Variants in SNRNP40 observed in about 807,000 individuals in gnomAD.
The protein encoded by SNRNP40 is U5 small nuclear ribonucleoprotein 40 kDa protein.
SNRNP40 carries 21 observed loss-of-function variants against 45.8 expected under a neutral mutation model. That is an observed-to-expected ratio of 0.46 (90% CI 0.32 to 0.66). SNRNP40 has a LOEUF of 0.66. SNRNP40 is among the 30% of genes least tolerant of loss of function. The probability of loss-of-function intolerance (pLI) is 0.03; values close to 1 mark genes in which losing one functional copy is unlikely to be tolerated. For missense variants in SNRNP40, 344 were observed against 439.1 expected (o/e 0.78, Z 1.94); for synonymous variants, 142 against 163.8 (o/e 0.87, Z 1.01).
intron 5 of SNRNP40, among the ~76,000 whole-genome samples, chr1:31,278,162 C>A (rs1334094045): frequency 6.6e-6 from 1 of 152,078 alleles, no homozygotes; most frequent in Non-Finnish European, 1.5e-5. Context: ...GAATCCTATA[C>A]ATATATATAA....
At chr1:31,260,954 C>T in intron 9 of SNRNP40, 1 of 1,133,466 alleles carries the variant, frequency 8.8e-7, no homozygotes, top group Non-Finnish European at 1.1e-6. Context: ...ATTAGACTTA[C>T]CAACTTCCCT....
chr1:31,287,479 T>G (rs1273040777), intron 4 of SNRNP40, among the ~76,000 whole-genome samples: 1 of 152,224 alleles, frequency 6.6e-6, no homozygotes, highest in African/African-American at 2.4e-5. Context: ...TAGATATTTA[T>G]TACAGCAGGC....
At chr1:31,280,898 T>C (rs1338481339) in intron 5 of SNRNP40, among the ~76,000 whole-genome samples, 2 of 152,184 alleles carry the variant, frequency 1.3e-5, no homozygotes, top group East Asian at 1.9e-4. Context: ...ACTTGAAAGT[T>C]TGAGCTACAC....
intron 5 of SNRNP40, 108 bp downstream of exon 5, chr1:31,281,266 T>G: frequency 1.2e-6 from 1 of 861,790 alleles, no homozygotes; most frequent in Non-Finnish European, 1.8e-6. Context: ...ACTATTTTCC[T>G]TTCAGTTGGT....
intron 2 of SNRNP40, chr1:31,292,838 T>C (rs3766287): frequency 0.19 from 35,508 of 184,406 alleles, 3,768 homozygotes; most frequent in African/African-American, 0.27. Context: ...GCTAGGATTC[T>C]GGGTGTGAAT....
At chr1:31,261,482 C>A (rs190162729) in intron 9 of SNRNP40, 47 bp downstream of exon 9, 1 of 1,267,410 alleles carries the variant, frequency 7.9e-7, no homozygotes. Flanking sequence ...AGGATCCCTA[C>A]GGGGAGATTT....
chr1:31,259,877 CACAGGGA>C lies in SNRNP40; in HGVS notation c.*188_*194del, dbSNP rs1645845952. 2.9e-6 allele frequency: 2 copies of C among 698,766 alleles called. No homozygotes were observed. The highest frequency in any genetic ancestry group is 2.0e-5 in the Admixed American group (1 of 49,868). 43.3% of individuals were successfully genotyped at this position (698,766 alleles called of 1,614,324 possible). On this transcript the variant is annotated 3_prime_UTR_variant, in exon 10 of 10. Transcript: ENST00000263694. The stretch of plus-strand genomic sequence containing the variant: ...AATCTGGCAGGTGGTTTTTAGAGGC[CACAGGGA>C]GCTTGCCTTAGTCATCCTGGTGAAA...
chr1:31,287,308 G>A (rs1646066915), intron 4 of SNRNP40, among the ~76,000 whole-genome samples: 1 of 152,028 alleles, frequency 6.6e-6, no homozygotes, highest in Non-Finnish European at 1.5e-5. Flanking sequence ...GTCATCTTTA[G>A]GTGATGTGAC....
intron 5 of SNRNP40, among the ~76,000 whole-genome samples, chr1:31,276,839 T>C (rs887406230): frequency 6.6e-6 from 1 of 151,482 alleles, no homozygotes; most frequent in Non-Finnish European, 1.5e-5. Context: ...TCTAGAACAG[T>C]CTGGTCAACA....
intron 4 of SNRNP40, among the ~76,000 whole-genome samples, chr1:31,283,536 G>C (rs572319599): frequency 7.9e-5 from 12 of 152,300 alleles, no homozygotes; most frequent in African/African-American, 2.9e-4. Context: ...CCGGGGAGTG[G>C]AGGTTGCAGT....
chr1:31,289,445 A>C lies in SNRNP40; in HGVS notation c.366-26T>G, dbSNP rs778788969. The stretch of plus-strand genomic sequence containing the variant: ...CTAGAAAGTAAGAGAAAGAATAAAA[A>C]AGAAATAAGTGAAGATAAACAGTAA... On this transcript the variant is annotated intron_variant, in intron 3 of 9. Transcript: ENST00000263694. 2.5e-6 allele frequency: 4 copies of C among 1,592,978 alleles called. No individual in the cohort carries two copies. In the South Asian group the frequency reaches 4.5e-5, roughly 18 times the overall value.
At chr1:31,269,728 G>T in intron 6 of SNRNP40, 1 of 174,178 alleles carries the variant, frequency 5.7e-6, no homozygotes. Flanking sequence ...TATATAAAAG[G>T]TCAAATAAAT....
At chr1:31,263,539 G>A (rs1218581488) in intron 8 of SNRNP40, 1 of 422,898 alleles carries the variant, frequency 2.4e-6, no homozygotes, top group Admixed American at 2.8e-5. Flanking sequence ...CTAATCCTCT[G>A]AGCCAATGAT....
At chr1:31,273,678 T>G (rs1645954563) in intron 5 of SNRNP40, among the ~76,000 whole-genome samples, 1 of 151,856 alleles carries the variant, frequency 6.6e-6, no homozygotes, top group Non-Finnish European at 1.5e-5. Flanking sequence ...AAGCAAAACA[T>G]TTTGCAAGTA....
At chr1:31,261,385 CCAACAA>C in intron 9 of SNRNP40, 138 bp downstream of exon 9, 1 of 623,758 alleles carries the variant, frequency 1.6e-6, no homozygotes, top group Non-Finnish European at 2.8e-6. Flanking sequence ...AACAAAAAAA[CCAACAA>C]CAACAACAAC....
At chr1:31,268,673 G>GAT (rs1251868622) in intron 7 of SNRNP40, among the ~76,000 whole-genome samples, 1 of 152,086 alleles carries the variant, frequency 6.6e-6, no homozygotes, top group African/African-American at 2.4e-5. Flanking sequence ...TCTTTCAATA[G>GAT]AGCTGACCTT....
intron 6 of SNRNP40, chr1:31,269,526 T>C (rs1645922900): frequency 1.8e-6 from 1 of 567,196 alleles, no homozygotes; most frequent in Admixed American, 4.2e-5. Flanking sequence ...TGATACTAAT[T>C]TCAAAAAGAT....
At chr1:31,261,377 CA>C in intron 9 of SNRNP40, 151 bp downstream of exon 9, 4 of 619,764 alleles carry the variant, frequency 6.5e-6, no homozygotes, top group Non-Finnish European at 5.7e-6. Flanking sequence ...AACCCAACAA[CA>C]AAAAAACCAA....
intron 6 of SNRNP40, 142 bp from the exon 7 acceptor site, chr1:31,269,382 C>T (rs1645921770): frequency 2.1e-6 from 3 of 1,463,090 alleles, no homozygotes; most frequent in Non-Finnish European, 2.7e-6. Flanking sequence ...TGACATACTG[C>T]TACCTGTTAA....
Sources: gnomAD v4.1 joint callset for allele counts (sites outside exome capture counted in the v4.1 genomes callset) on GRCh38, gnomAD v4.1.1 for gene constraint, MANE v1.5 for transcripts, NCBI Gene and HGNC (gene_info 2026-07-23, HGNC 2026-07-21) for gene names.